The following DDC variants were observed in gnomAD, a reference collection of about 807,000 sequenced individuals.
DDC encodes the protein aromatic-L-amino-acid decarboxylase.
Under a neutral mutation model 60.0 loss-of-function variants are expected in DDC, and 43 were observed. The observed-to-expected ratio is 0.72, with a 90% CI of 0.56 to 0.92. DDC has a LOEUF of 0.92. Among genes scored for constraint, DDC ranks in the 40% least tolerant of loss-of-function variants. The pLI is 0.00. For synonymous variants in DDC, 232 were observed against 234.6 expected (o/e 0.99, Z 0.10); for missense variants, 573 against 620.2 (o/e 0.92, Z 0.81).
chr7:50,468,820 G>A (rs1166748315), intron 12 of DDC, among the ~76,000 whole-genome samples: 2 of 152,124 alleles, frequency 1.3e-5, no homozygotes, highest in Non-Finnish European at 2.9e-5. Context: ...CACAGCTTAG[G>A]AAGGACACCA....
intron 6 of DDC, among the ~76,000 whole-genome samples, chr7:50,509,393 T>G (rs2043488385): frequency 6.6e-6 from 1 of 152,100 alleles, no homozygotes; most frequent in African/African-American, 2.4e-5. Flanking sequence ...AAATGTGTAG[T>G]CTTCTCTTTC....
chr7:50,539,600 G>A (rs1403026839), intron 3 of DDC, among the ~76,000 whole-genome samples: 5 of 152,226 alleles, frequency 3.3e-5, no homozygotes, highest in Admixed American at 6.5e-5. Context: ...TGAGCTGCTT[G>A]GAGAAATGCA....
chr7:50,543,900 C>T lies in DDC; in HGVS notation c.186G>A (p.Lys62=). The T allele has an allele frequency of 6.2e-7, 1 of 1,614,160 alleles. No individual in the cohort carries two copies. Among genetic ancestry groups the T allele is most frequent in the Non-Finnish European group, 8.5e-7 (1 of 1,180,038 alleles). ...ACACACTTACCCCAGGCATGATTAT[C>T]TTCTCAACGTCGTTGATGATGTCCT... The part of the protein sequence containing the change: ...TFEDIINDVE[K]IIMPGVTHWH... Residue 62 remains lysine (K), a synonymous_variant, in exon 2 of 15, where the codon AAG becomes AAA. Transcript: ENST00000444124.
At chr7:50,468,121 C>T (rs1335984875) in intron 12 of DDC, among the ~76,000 whole-genome samples, 2 of 152,250 alleles carry the variant, frequency 1.3e-5, no homozygotes, top group Non-Finnish European at 2.9e-5. Flanking sequence ...CTGGGGAGGA[C>T]CTGCGGAAAC....
intron 6 of DDC, among the ~76,000 whole-genome samples, chr7:50,523,929 A>G (rs1585228470): frequency 1.3e-5 from 2 of 152,260 alleles, no homozygotes; most frequent in African/African-American, 4.8e-5. Context: ...GATGTCCTTC[A>G]ATAGATAAAT....
chr7:50,518,339 T>C (rs575135973), intron 6 of DDC, among the ~76,000 whole-genome samples: 20 of 151,280 alleles, frequency 1.3e-4, no homozygotes, highest in Non-Finnish European at 7.4e-5. Context: ...TGCAATGCAA[T>C]CCCCATCAAA....
intron 6 of DDC, among the ~76,000 whole-genome samples, chr7:50,525,073 A>T (rs888646733): frequency 1.3e-5 from 2 of 152,248 alleles, no homozygotes; most frequent in African/African-American, 4.8e-5. Flanking sequence ...GAGTGAGAAA[A>T]GCTGATCTTG....
At chr7:50,513,731 C>G (rs2043650075) in intron 6 of DDC, among the ~76,000 whole-genome samples, 1 of 152,074 alleles carries the variant, frequency 6.6e-6, no homozygotes, top group East Asian at 1.9e-4. Context: ...ACCTGCATGA[C>G]TCAGCAGAGG....
At chr7:50,464,881 C>T (rs774156873) in intron 13 of DDC, among the ~76,000 whole-genome samples, 1 of 152,124 alleles carries the variant, frequency 6.6e-6, no homozygotes, top group Non-Finnish European at 1.5e-5. Context: ...GAGAGTGAGG[C>T]CAAGATGGCA....
intron 7 of DDC, among the ~76,000 whole-genome samples, chr7:50,502,753 C>G (rs1017906195): frequency 2.6e-5 from 4 of 152,246 alleles, no homozygotes; most frequent in African/African-American, 9.6e-5. Flanking sequence ...TGCTGTGCAG[C>G]AATGCACTCT....
chr7:50,526,449 T>C lies in DDC; in HGVS notation c.714+1688A>G, dbSNP rs573822190. 1.1e-4 allele frequency among the ~76,000 whole-genome samples: 16 copies of C among 152,228 alleles called. 1 individual carries two copies. The highest frequency in any genetic ancestry group is 3.1e-4 in the African/African-American group (13 of 41,554). ...CACACTAAAAATTTCTAAAGGGAAT[T>C]CTACAGACTAAAAGAAAAGATGCCG... On this transcript the variant is annotated intron_variant, in intron 6 of 14. Coordinates refer to ENST00000444124, the MANE Select transcript of DDC (RefSeq NM_001082971.2).
intron 6 of DDC, among the ~76,000 whole-genome samples, chr7:50,510,251 A>G (rs903319634): frequency 6.6e-6 from 1 of 152,132 alleles, no homozygotes; most frequent in Non-Finnish European, 1.5e-5. Context: ...CTGAGATTAC[A>G]GGTGTGAGCC....
At chr7:50,501,504 C>A (rs953427287) in intron 7 of DDC, among the ~76,000 whole-genome samples, 2 of 152,226 alleles carry the variant, frequency 1.3e-5, no homozygotes, top group Admixed American at 1.3e-4. Flanking sequence ...AAGAAAATGT[C>A]TTTCCTAAGG....
chr7:50,527,153 T>G (rs1339779077), intron 6 of DDC, among the ~76,000 whole-genome samples: 3 of 152,244 alleles, frequency 2.0e-5, no homozygotes, highest in Non-Finnish European at 2.9e-5. Context: ...GTTTTCCCAC[T>G]GGAATGTTGC....
chr7:50,476,547 G>A, intron 11 of DDC, 77 bp downstream of exon 11: 1 of 1,281,092 alleles, frequency 7.8e-7, no homozygotes, highest in Non-Finnish European at 1.1e-6. Flanking sequence ...GAGTGGGGGA[G>A]GAGATGTGTG....
In DDC at chr7:50,471,600, GA is replaced by G. The variant is rs546617433; in HGVS notation, c.1042-1430del. 2.1e-3 allele frequency among the ~76,000 whole-genome samples: 319 copies of G among 152,194 alleles called. 3 individuals carry two copies. Among genetic ancestry groups the G allele is most frequent in the African/African-American group, 7.1e-3 (295 of 41,528 alleles). On this transcript the variant is annotated intron_variant, in intron 11 of 14. Transcript: ENST00000444124. Reference sequence around the variant, plus strand: ...GGTGTGTTGACACATTATCTCCTTTGAGCTTCCTAGCAGCACTGTAAACAAG... The same window carrying G: ...GGTGTGTTGACACATTATCTCCTTTGGCTTCCTAGCAGCACTGTAAACAAG...
In DDC at chr7:50,467,077, G is replaced by T. The variant is rs952335454; in HGVS notation, c.1242+137C>A. The T allele has an allele frequency of 2.6e-5, 22 of 840,188 alleles. No individual in the cohort carries two copies. The African/African-American group carries it at 3.3e-4, about 13-fold the overall frequency. 52.0% of individuals were successfully genotyped at this position (840,188 alleles called of 1,614,324 possible). A position where few individuals can be genotyped will look rare whatever the true frequency, so the allele number is the denominator to read the frequency against. On this transcript the variant is annotated intron_variant, in intron 13 of 14. Transcript: ENST00000444124. ...TGTGTAGCATGGGGCAGGGCAGGCCGGTGGGCCAAAGAATGCAGGCTTTGC... is the reference window on the plus strand; with the variant it reads ...TGTGTAGCATGGGGCAGGGCAGGCCTGTGGGCCAAAGAATGCAGGCTTTGC...
At chr7:50,497,473 G>A (rs533594072) in intron 8 of DDC, among the ~76,000 whole-genome samples, 1 of 152,320 alleles carries the variant, frequency 6.6e-6, no homozygotes, top group Non-Finnish European at 1.5e-5. Flanking sequence ...GCCAGCCGTG[G>A]GGAGGGCACA....
chr7:50,484,093 C>G (rs917846440), intron 9 of DDC, among the ~76,000 whole-genome samples: 5 of 152,104 alleles, frequency 3.3e-5, no homozygotes, highest in Admixed American at 6.5e-5. Flanking sequence ...ACTCATAATG[C>G]TCCCTTACTA....
Sources: allele counts gnomAD v4.1 joint callset (sites outside exome capture counted in the v4.1 genomes callset), GRCh38; gene constraint gnomAD v4.1.1; transcripts MANE v1.5; gene names NCBI Gene and HGNC (gene_info 2026-07-23, HGNC 2026-07-21).